The following ECHDC2 variants were observed in gnomAD, a reference collection of about 807,000 sequenced individuals.
ECHDC2 encodes enoyl-CoA hydratase domain containing 2, also known as enoyl-CoA hydratase domain-containing protein 2, mitochondrial.
Under a neutral mutation model 40.6 loss-of-function variants are expected in ECHDC2, and 34 were observed. The ratio of observed to expected loss-of-function variants is 0.84; its 90% confidence interval spans 0.64 to 1.11. ECHDC2 has a LOEUF of 1.11. ECHDC2 is among the 50% of genes most tolerant of loss of function. The probability of loss-of-function intolerance (pLI) is 0.00; values close to 1 mark genes in which losing one functional copy is unlikely to be tolerated. For missense variants in ECHDC2, 392 were observed against 400.7 expected (o/e 0.98, Z 0.19); for synonymous variants, 162 against 166.6 (o/e 0.97, Z 0.21).
At chr1:52,905,836 G>C (rs79922530) in intron 5 of ECHDC2, 2,679 of 170,136 alleles carry the variant, frequency 0.016, 75 homozygotes, top group African/African-American at 0.061. Flanking sequence ...TGGACACCTG[G>C]TCAGTTCCTT....
At chr1:52,913,598 G>C (rs1045291476) in intron 1 of ECHDC2, 1 of 152,210 alleles carries the variant, frequency 6.6e-6, no homozygotes, top group African/African-American at 2.4e-5. Context: ...TTTATAAATA[G>C]ATGATTTTCT....
intron 1 of ECHDC2, chr1:52,920,336 C>T (rs886415816): frequency 3.1e-6 from 2 of 648,814 alleles, no homozygotes; most frequent in African/African-American, 3.7e-5. Flanking sequence ...ATGGCAAAGC[C>T]CCGCTTCAAA....
chr1:52,917,243 C>T (rs1206689272), intron 1 of ECHDC2, among the ~76,000 whole-genome samples: 1 of 148,954 alleles, frequency 6.7e-6, no homozygotes. Context: ...AAAAAAGAAA[C>T]CACTGAAGGG....
Position 52,911,589 on chromosome 1 carries a change from C to G in ECHDC2, c.254G>C (p.Gly85Ala). The stretch of plus-strand genomic sequence containing the variant: ...ACCTGCACAGAACACGCCCTTCACT[C>G]CACTTCTGAAGAGCAGGACACGCAC... ...RQVRVLLFRS[G>A]VKGVFCAGAD... The change falls in exon 3 of 10, where the codon GGA (glycine) becomes GCA (alanine). Residue 85 changes from glycine (G) to alanine (A), a missense_variant. By Grantham distance (60) the Gly-to-Ala change is moderately conservative. Coordinates refer to ENST00000371522, the MANE Select transcript of ECHDC2 (RefSeq NM_001198961.2). The G allele has an allele frequency of 6.2e-7, 1 of 1,613,822 alleles. No individual in the cohort carries two copies. The highest frequency in any genetic ancestry group is 2.2e-5 in the East Asian group (1 of 44,894).
Position 52,899,106 on chromosome 1 carries a change from C to T in ECHDC2, c.753+68G>A, listed in dbSNP as rs952842104. ...TTTTCCCAGCTGTGCTGTCTGAGCT[C>T]TGAAAGCACTGTGTCCCAGCCGCGA... On this transcript the variant is annotated intron_variant, in intron 8 of 9. Coordinates refer to ENST00000371522, the MANE Select transcript of ECHDC2 (RefSeq NM_001198961.2). 2.6e-6 allele frequency: 4 copies of T among 1,524,496 alleles called. No individual in the cohort carries two copies. In the East Asian group the frequency reaches 9.0e-5, roughly 34 times the overall value. 94.4% of individuals were successfully genotyped at this position (1,524,496 alleles called of 1,614,324 possible).
chr1:52,904,792 C>A lies in ECHDC2; in HGVS notation c.556G>T (p.Ala186Ser). 1 of 1,613,132 alleles carries A rather than the reference C, an allele frequency of 6.2e-7. No homozygotes were observed. The highest frequency in any genetic ancestry group is 8.5e-7 in the Non-Finnish European group (1 of 1,179,902). The stretch of plus-strand genomic sequence containing the variant: ...CGGCCCGTGAAGATGAGCTCCTTCG[C>A]CAGGGCCACCCCCAGACAACGGGGC... ...RLPRCLGVAL[A>S]KELIFTGRRL... Residue 186 changes from alanine (A) to serine (S), a missense_variant, in exon 7 of 10, where the codon GCG becomes TCG. Ala to Ser is a moderately conservative substitution (Grantham distance 99). Transcript: ENST00000371522.
intron 3 of ECHDC2, among the ~76,000 whole-genome samples, chr1:52,911,360 A>G (rs1017296353): frequency 6.6e-6 from 1 of 152,180 alleles, no homozygotes; most frequent in East Asian, 1.9e-4. Context: ...AGGGTTAGAG[A>G]GGCCAAGTTC....
intron 5 of ECHDC2, chr1:52,906,037 T>G (rs1647711409): frequency 3.2e-6 from 1 of 310,690 alleles, no homozygotes; most frequent in African/African-American, 2.2e-5. Flanking sequence ...ATCAGTTATC[T>G]TCTTTATCCC....
chr1:52,905,788 GGA>G (rs1647646937), intron 5 of ECHDC2: 1 of 164,774 alleles, frequency 6.1e-6, no homozygotes. Flanking sequence ...CATGTGAGAA[GGA>G]GAGTTGGGGC....
At position 52,911,803 on chromosome 1, in the gene ECHDC2, AG is replaced by A. The variant is rs1196144632; in HGVS notation, c.122-14del. 1 of 1,613,694 alleles carries A rather than the reference AG, an allele frequency of 6.2e-7. No homozygotes were observed. Among genetic ancestry groups the A allele is most frequent in the Admixed American group, 1.7e-5 (1 of 60,020 alleles). On this transcript the variant is annotated splice_polypyrimidine_tract_variant and intron_variant, in intron 1 of 9. Transcript: ENST00000371522. Reference sequence around the variant, plus strand: ...ATCTCAGTGATCCCTGTAAGGAGTCAGGGCAGCCACGGGAAAGCAGCTGGCT... The same window carrying A: ...ATCTCAGTGATCCCTGTAAGGAGTCAGGCAGCCACGGGAAAGCAGCTGGCT...
intron 3 of ECHDC2, among the ~76,000 whole-genome samples, 179 bp from the exon 4 acceptor site, chr1:52,908,133 A>G (rs950616824): frequency 1.3e-5 from 2 of 152,236 alleles, no homozygotes; most frequent in Non-Finnish European, 2.9e-5. Context: ...GGAGGGTGTG[A>G]CACTGCAGAA....
chr1:52,917,586 C>T (rs1244446739), intron 1 of ECHDC2: 1 of 455,926 alleles, frequency 2.2e-6, no homozygotes, highest in Non-Finnish European at 4.4e-6. Context: ...ATGGAAAGGT[C>T]AGCTTGTGGT....
chr1:52,916,539 C>T (rs890188911), intron 1 of ECHDC2, among the ~76,000 whole-genome samples: 2 of 152,158 alleles, frequency 1.3e-5, no homozygotes, highest in Admixed American at 6.5e-5. Context: ...AGAGATAATG[C>T]ATTTAAGTGT....
At position 52,896,610 on chromosome 1, in the gene ECHDC2, A is replaced by G. The variant is rs1646650312; in HGVS notation, c.802-13T>C. On this transcript the variant is annotated splice_polypyrimidine_tract_variant and intron_variant, in intron 9 of 9. Transcript: ENST00000371522. ...GGGTTGGAATATTCTGCAACAAGGT[A>G]CAAAATATTAGTTTTGGGGGAGCAG... 6.2e-7 allele frequency: 1 copy of G among 1,611,504 alleles called. No individual in the cohort carries two copies. The highest frequency in any genetic ancestry group is 8.5e-7 in the Non-Finnish European group (1 of 1,177,822).
intron 1 of ECHDC2, 50 bp downstream of exon 1, chr1:52,921,503 C>G: frequency 6.4e-7 from 1 of 1,570,756 alleles, no homozygotes; most frequent in East Asian, 2.3e-5. Context: ...CCCGCTGCCT[C>G]CGGCCTAGTC....
intron 7 of ECHDC2, among the ~76,000 whole-genome samples, chr1:52,903,881 G>A (rs1182760277): frequency 6.7e-6 from 1 of 149,928 alleles, no homozygotes; most frequent in Non-Finnish European, 1.5e-5. Flanking sequence ...GCAATGGCGC[G>A]ATCTTGGCTC....
At chr1:52,917,572 G>A (rs750467370) in intron 1 of ECHDC2, 3 of 456,100 alleles carry the variant, frequency 6.6e-6, no homozygotes, top group South Asian at 4.6e-5. Context: ...GTAGAGGAGG[G>A]AGGATGGAAA....
Position 52,913,850 on chromosome 1 carries a change from G to T in ECHDC2, c.122-2060C>A, listed in dbSNP as rs544257956. ...GGTTTACACAGATGCATAATGACAC[G>T]TATCTGCCTTGGCTTTGGCAGGCCC... is the stretch of plus-strand genomic sequence containing the variant. On this transcript the variant is annotated intron_variant, in intron 1 of 9. Transcript: ENST00000371522. 10 of 917,632 alleles carry T rather than the reference G, an allele frequency of 1.1e-5. No homozygotes were observed. The African/African-American group carries it at 1.6e-4, about 15-fold the overall frequency. The allele number at this position is 917,632 out of a possible 1,614,324, so 56.8% of individuals were successfully genotyped here. A position where few individuals can be genotyped will look rare whatever the true frequency, so the allele number is the denominator to read the frequency against.
intron 7 of ECHDC2, 118 bp downstream of exon 7, chr1:52,904,528 A>G (rs1245596727): frequency 1.1e-6 from 1 of 923,494 alleles, no homozygotes; most frequent in African/African-American, 1.7e-5. Flanking sequence ...ACAAACTCCA[A>G]AGAGGGTTAA....
Sources: gnomAD v4.1 joint callset for allele counts (sites outside exome capture counted in the v4.1 genomes callset) on GRCh38, gnomAD v4.1.1 for gene constraint, MANE v1.5 for transcripts, NCBI Gene and HGNC (gene_info 2026-07-23, HGNC 2026-07-21) for gene names.